Variants in PPARG observed in about 807,000 individuals in gnomAD.
The protein encoded by PPARG is peroxisome proliferator-activated receptor gamma.
In PPARG, 17 loss-of-function variants were observed where a neutral mutation model predicts 39.2. The observed-to-expected ratio is 0.43, with a 90% CI of 0.30 to 0.65. The LOEUF (loss-of-function observed/expected upper bound fraction) is 0.65, where lower values mean the gene tolerates loss of function less well. PPARG is among the 30% of genes least tolerant of loss of function. The pLI is 0.13. For synonymous variants in PPARG, 223 were observed against 215.7 expected, an observed-to-expected ratio of 1.03 and a Z score of -0.30; for missense variants, 406 against 585.9, an observed-to-expected ratio of 0.69 and a Z score of 3.17.
chr3:12,418,033 A>C (rs1453615352), intron 7 of PPARG, among the ~76,000 whole-genome samples: 1 of 150,174 alleles, frequency 6.7e-6, no homozygotes, highest in Non-Finnish European at 1.5e-5. Flanking sequence ...CTACTTCATA[A>C]AAGTAATACG....
intron 7 of PPARG, 138 bp from the exon 8 acceptor site, chr3:12,433,760 C>A: frequency 1.7e-6 from 2 of 1,203,124 alleles, no homozygotes; most frequent in Non-Finnish European, 1.2e-6. Context: ...CCTTCCTCCC[C>A]ACCTATTTAA....
At chr3:12,303,402 T>C (rs1029819516) in intron 1 of PPARG, among the ~76,000 whole-genome samples, 2 of 152,132 alleles carry the variant, frequency 1.3e-5, no homozygotes, top group Admixed American at 6.5e-5. Context: ...GGTTTCGCCA[T>C]ATTAGCTAGG....
At chr3:12,319,690 C>G (rs1292361944) in intron 2 of PPARG, among the ~76,000 whole-genome samples, 1 of 145,780 alleles carries the variant, frequency 6.9e-6, no homozygotes, top group Non-Finnish European at 1.5e-5. Flanking sequence ...TTTTTTTTAA[C>G]TGATGCTGAC....
intron 6 of PPARG, among the ~76,000 whole-genome samples, chr3:12,407,759 T>C (rs1428905865): frequency 2.6e-5 from 4 of 152,184 alleles, no homozygotes; most frequent in Middle Eastern, 3.4e-3. Flanking sequence ...CTAGTAAGAG[T>C]AGAATCAGTT....
At chr3:12,304,114 C>G (rs768285367) in intron 1 of PPARG, among the ~76,000 whole-genome samples, 11 of 152,102 alleles carry the variant, frequency 7.2e-5, no homozygotes, top group Non-Finnish European at 1.0e-4. Context: ...TAGTAAGTTC[C>G]TCTTTCACGT....
chr3:12,416,922 C>G lies in PPARG; in HGVS notation c.948C>G (p.Leu316=). The change falls in exon 7 of 8, where the codon CTC becomes CTG. Residue 316 remains leucine, a synonymous_variant. Coordinates refer to ENST00000651735, the MANE Select transcript of PPARG (RefSeq NM_138711.6). ...ACTTGAACGACCAAGTAACTCTCCT[C>G]AAATATGGAGTCCACGAGATCATTT... ...NLDLNDQVTL[L]KYGVHEIIYT... is the part of the protein sequence containing the mutation. 1 of 1,614,070 alleles carries G rather than the reference C, an allele frequency of 6.2e-7. No homozygotes were observed. Among genetic ancestry groups the G allele is most frequent in the East Asian group, 2.2e-5 (1 of 44,876 alleles).
rs777103332 is a variant in PPARG, at chr3:12,392,627, G to C, written c.404G>C (p.Arg135Thr). The stretch of plus-strand genomic sequence containing the variant: ...ATCCCTTTGCAGGGTTTCTTCCGGA[G>C]AACAATCAGATTGAAGCTTATCTAT... ...ACEGCKGFFR[R>T]TIRLKLIYDR... is the part of the protein sequence containing the mutation. Residue 135 changes from arginine (R) to threonine (T), a missense_variant, in exon 5 of 8, where the codon AGA (arginine) becomes ACA (threonine). By Grantham distance (71) the Arg-to-Thr change is moderately conservative. This residue lies in a region of PPARG where 275 missense variants were observed against 458.0 expected (regional missense o/e 0.60). Transcript: ENST00000651735. 6.2e-7 allele frequency: 1 copy of C among 1,613,782 alleles called. No homozygotes were observed. Among genetic ancestry groups the C allele is most frequent in the Non-Finnish European group, 8.5e-7 (1 of 1,179,826 alleles).
chr3:12,374,982 G>A (rs1349682351), intron 2 of PPARG, among the ~76,000 whole-genome samples: 3 of 152,146 alleles, frequency 2.0e-5, no homozygotes, highest in Non-Finnish European at 4.4e-5. Context: ...AAAATTACAT[G>A]AACTTTTCCT....
intron 6 of PPARG, among the ~76,000 whole-genome samples, chr3:12,408,273 T>C (rs182210726): frequency 1.3e-5 from 2 of 152,330 alleles, no homozygotes; most frequent in Admixed American, 1.3e-4. Flanking sequence ...ATATTCACAA[T>C]TGGAAAATTT....
chr3:12,396,445 T>G (rs1319437231), intron 5 of PPARG, among the ~76,000 whole-genome samples: 1 of 152,162 alleles, frequency 6.6e-6, no homozygotes, highest in Non-Finnish European at 1.5e-5. Flanking sequence ...TTTAATAAAA[T>G]TATTTAGTCA....
At chr3:12,432,858 G>A (rs558942806) in intron 7 of PPARG, among the ~76,000 whole-genome samples, 1 of 152,282 alleles carries the variant, frequency 6.6e-6, no homozygotes, top group Admixed American at 6.5e-5. Context: ...TAATGAAAAT[G>A]AAGGGTCCAT....
rs189753153 is a variant in PPARG, at chr3:12,323,600, A to G, written c.-9+11147A>G. ...TATCATTGTCCCTATTTGACAGGTG[A>G]ATTAAGTGAAGTTTATTGTGGTTAA... On this transcript the variant is annotated intron_variant, in intron 2 of 7. Transcript: ENST00000651735. Among the ~76,000 whole-genome samples the G allele has an allele frequency of 8.5e-5, 13 of 152,290 alleles. No homozygotes were observed. In the East Asian group the frequency reaches 2.5e-3, roughly 29 times the overall value.
At chr3:12,389,556 A>C (rs1421994109) in intron 4 of PPARG, among the ~76,000 whole-genome samples, 1 of 152,210 alleles carries the variant, frequency 6.6e-6, no homozygotes, top group Admixed American at 6.5e-5. Flanking sequence ...ATGGAATTCA[A>C]AGTGTTAAGA....
intron 2 of PPARG, among the ~76,000 whole-genome samples, chr3:12,330,302 T>TAAAAAAAAAA (rs67976990): frequency 8.3e-6 from 1 of 121,052 alleles, no homozygotes; most frequent in African/African-American, 3.1e-5. Context: ...CACCTTTTTT[T>TAAAAAAAAAA]AAAAAAAAAA....
chr3:12,434,106 T>C lies in PPARG; in HGVS notation c.1389T>C (p.Leu463=), dbSNP rs2051774353. 6.2e-7 allele frequency: 1 copy of C among 1,613,994 alleles called. No individual in the cohort carries two copies. The highest frequency in any genetic ancestry group is 8.5e-7 in the Non-Finnish European group (1 of 1,180,024). Residue 463 remains leucine (L), a synonymous_variant, in exon 8 of 8, where the codon CTT becomes CTC. Coordinates refer to ENST00000651735, the MANE Select transcript of PPARG (RefSeq NM_138711.6). The surrounding 1 kb of genome is among the most constrained non-coding windows in gnomAD (Gnocchi z 4.2). ...VIKKTETDMS[L]HPLLQEIYKD... is the part of the protein sequence containing the mutation. ...AGAAGACGGAGACAGACATGAGTCT[T>C]CACCCGCTCCTGCAGGAGATCTACA...
At chr3:12,304,578 G>A (rs2047011605) in intron 1 of PPARG, among the ~76,000 whole-genome samples, 1 of 152,154 alleles carries the variant, frequency 6.6e-6, no homozygotes, top group South Asian at 2.1e-4. Flanking sequence ...AAGTCTAGTA[G>A]AATATTTTGT....
At chr3:12,328,250 G>A (rs970322053) in intron 2 of PPARG, 34 of 1,523,566 alleles carry the variant, frequency 2.2e-5, no homozygotes, top group Non-Finnish European at 3.0e-5. Flanking sequence ...ACATCCGGGA[G>A]ATGCTGATGG....
At chr3:12,406,239 A>C in intron 6 of PPARG, 158 bp downstream of exon 6, 2 of 771,072 alleles carry the variant, frequency 2.6e-6, no homozygotes, top group Admixed American at 2.1e-5. Flanking sequence ...AAACGCAGGA[A>C]GTGTTTTCAG....
intron 2 of PPARG, among the ~76,000 whole-genome samples, chr3:12,346,084 G>A (rs1199431073): frequency 6.6e-6 from 1 of 152,196 alleles, no homozygotes; most frequent in Non-Finnish European, 1.5e-5. Flanking sequence ...CAAAGTTACA[G>A]TAATTTCAAA....
Sources: allele counts gnomAD v4.1 joint callset (sites outside exome capture counted in the v4.1 genomes callset), GRCh38; gene constraint gnomAD v4.1.1; regional missense constraint gnomAD v4.1.1; non-coding constraint Gnocchi (gnomAD v3.1); transcripts MANE v1.5; gene names NCBI Gene and HGNC (gene_info 2026-07-23, HGNC 2026-07-21).